The following L3MBTL1 variants were observed in gnomAD, a reference collection of about 807,000 sequenced individuals.
The protein encoded by L3MBTL1 is L3MBTL histone methyl-lysine binding protein 1.
In L3MBTL1, 75 loss-of-function variants were observed where a neutral mutation model predicts 105.3. The ratio of observed to expected loss-of-function variants is 0.71; its 90% CI spans 0.59 to 0.86. L3MBTL1 has a LOEUF of 0.86. Among genes scored for constraint, L3MBTL1 ranks in the 40% least tolerant of loss-of-function variants. The probability of loss-of-function intolerance (pLI) is 0.00; values close to 1 mark genes in which losing one functional copy is unlikely to be tolerated. For missense variants in L3MBTL1, 1,069 were observed against 1,126.4 expected (o/e 0.95, Z 0.73); for synonymous variants, 452 against 436.2 (o/e 1.04, Z -0.45).
At chr20:43,521,775 A>G (rs949464863) in intron 7 of L3MBTL1, among the ~76,000 whole-genome samples, 1 of 151,852 alleles carries the variant, frequency 6.6e-6, no homozygotes, top group African/African-American at 2.4e-5. Flanking sequence ...CTGGCCTTAA[A>G]CTCCTGAGTG....
At chr20:43,535,960 G>T in intron 17 of L3MBTL1, 24 bp downstream of exon 17, 1 of 1,601,378 alleles carries the variant, frequency 6.2e-7, no homozygotes, top group South Asian at 1.1e-5. Flanking sequence ...CCTGGTGAGA[G>T]ACCCTCAGCG....
At chr20:43,521,128 T>TA (rs1366928342) in intron 7 of L3MBTL1, among the ~76,000 whole-genome samples, 1 of 152,170 alleles carries the variant, frequency 6.6e-6, no homozygotes, top group Non-Finnish European at 1.5e-5. Flanking sequence ...TTCAGTGTCT[T>TA]AAAATGAACT....
intron 16 of L3MBTL1, 62 bp from the exon 17 acceptor site, chr20:43,535,774 TC>T (rs761346232): frequency 1.6e-4 from 170 of 1,084,744 alleles, no homozygotes; most frequent in Admixed American, 4.6e-5. Flanking sequence ...AACTGCTCCT[TC>T]CGTGCCCCAC....
chr20:43,510,708 C>T (rs184079978), intron 1 of L3MBTL1, among the ~76,000 whole-genome samples: 12 of 151,718 alleles, frequency 7.9e-5, no homozygotes, highest in African/African-American at 2.7e-4. Flanking sequence ...TGAGCCACTG[C>T]GCCCAGCTAA....
rs1266904694 is a variant in L3MBTL1, at chr20:43,534,736, C to A, written c.1711-92C>A. Reference sequence around the variant, plus strand: ...TTGGTTCTTTCAATCCAGGATCTTGCTTCTGACAGGTCCCAGGGATGGGGA... The same window carrying A: ...TTGGTTCTTTCAATCCAGGATCTTGATTCTGACAGGTCCCAGGGATGGGGA... On this transcript the variant is annotated intron_variant, in intron 15 of 21. Coordinates refer to ENST00000418998, the MANE Select transcript of L3MBTL1 (RefSeq NM_001377303.1). 8.1e-6 allele frequency: 7 copies of A among 859,088 alleles called. No individual in the cohort carries two copies. In the East Asian group the frequency reaches 1.6e-4, roughly 19 times the overall value. The allele number at this position is 859,088 out of a possible 1,614,324, so 53.2% of individuals were successfully genotyped here. A position where few individuals can be genotyped will look rare whatever the true frequency, so the allele number is the denominator to read the frequency against.
chr20:43,520,090 A>G (rs904003178), intron 7 of L3MBTL1, among the ~76,000 whole-genome samples: 10 of 152,230 alleles, frequency 6.6e-5, no homozygotes, highest in Middle Eastern at 3.4e-3. Context: ...ATTCCCCCTA[A>G]AGACCACCAG....
In L3MBTL1 at chr20:43,515,019, C is replaced by T. The variant is rs35155748; in HGVS notation, c.513C>T (p.Pro171=). The part of the protein sequence containing the change: ...EAGPQQAEDH[P]QNPPEDPNQD... ...ATTTGGCCCCCGCAGAGGACCACCC[C>T]CAGAATCCTCCAGAAGATCCCAATC... The change falls in exon 5 of 22, where the codon CCC becomes CCT. Residue 171 remains proline, a synonymous_variant. Transcript: ENST00000418998. 1.7e-3 allele frequency: 2,742 copies of T among 1,613,870 alleles called. 3 individuals are homozygous for T. Among genetic ancestry groups the T allele is most frequent in the Non-Finnish European group, 2.2e-3 (2,606 of 1,179,838 alleles).
intron 10 of L3MBTL1, 27 bp downstream of exon 10, chr20:43,530,446 T>C: frequency 6.2e-7 from 1 of 1,609,760 alleles, no homozygotes; most frequent in African/African-American, 1.3e-5. Context: ...TTGGTCACAG[T>C]GAGGCAGTGA....
Position 43,522,457 on chromosome 20 carries a change from GTTTTTTTTTTTTTTT to G in L3MBTL1, c.863-6183_863-6169del, listed in dbSNP as rs1176856356. Among the ~76,000 whole-genome samples the G allele has an allele frequency of 5.2e-5, 5 of 95,894 alleles. 2 individuals carry two copies. The Admixed American group carries it at 5.6e-4, about 11-fold the overall frequency. 62.9% of individuals were successfully genotyped at this position (95,894 alleles called of 152,430 possible). On this transcript the variant is annotated intron_variant, in intron 7 of 21. Coordinates refer to ENST00000418998, the MANE Select transcript of L3MBTL1 (RefSeq NM_001377303.1). ...TGGTAACTGAATTTTTCCCTGCTAA[GTTTTTTTTTTTTTTT>G]TTTTTTTTTTTTTTTTGGAGACAGG...
rs1438859052 is a variant in L3MBTL1, at chr20:43,530,135, G to A, written c.1057-149G>A. On this transcript the variant is annotated intron_variant, in intron 9 of 21. Transcript: ENST00000418998. ...CTCACTGTAGAATAGGACAGGGTGG[G>A]GTACAATTGGGAGGAAAGAAAGGTG... 13 of 885,566 alleles carry A rather than the reference G, an allele frequency of 1.5e-5. No individual in the cohort carries two copies. In the East Asian group the frequency reaches 2.9e-4, roughly 20 times the overall value. The allele number at this position is 885,566 out of a possible 1,614,324, so 54.9% of individuals were successfully genotyped here.
intron 7 of L3MBTL1, among the ~76,000 whole-genome samples, chr20:43,522,545 C>T (rs2018786098): frequency 7.6e-6 from 1 of 131,974 alleles, no homozygotes; most frequent in African/African-American, 2.9e-5. Context: ...GATGTCCGCT[C>T]ACTGTGACCC....
Position 43,515,085 on chromosome 20 carries a change from G to C in L3MBTL1, c.579G>C (p.Ala193=), listed in dbSNP as rs761030705. 1 of 1,614,164 alleles carries C rather than the reference G, an allele frequency of 6.2e-7. No homozygotes were observed. The highest frequency in any genetic ancestry group is 8.5e-7 in the Non-Finnish European group (1 of 1,180,012). The part of the protein sequence containing the change: ...PEDDSTCQCQ[A]CGPHQAAGPD... ...ATGATAGCACCTGTCAGTGCCAGGC[G>C]TGCGGGCCTCACCAAGCCGCGGGTC... The change falls in exon 5 of 22, where the codon GCG becomes GCC. Residue 193 remains alanine (A), a synonymous_variant. Coordinates refer to ENST00000418998, the MANE Select transcript of L3MBTL1 (RefSeq NM_001377303.1).
exon 19 of L3MBTL1, chr20:43,548,411 G>T (rs1978770967): frequency 2.0e-6 from 1 of 507,294 alleles, no homozygotes; most frequent in Non-Finnish European, 3.1e-6. Context: ...GAGCCCTGGG[G>T]AGGGTAGGCA....
At chr20:43,508,059 GT>G (rs555478619) in intron 1 of L3MBTL1, among the ~76,000 whole-genome samples, 2 of 152,130 alleles carry the variant, frequency 1.3e-5, no homozygotes, top group African/African-American at 2.4e-5. Flanking sequence ...TCAATTAAGA[GT>G]TTTTTTATTA....
intron 19 of L3MBTL1, among the ~76,000 whole-genome samples, chr20:43,537,417 A>T (rs896577541): frequency 1.3e-5 from 2 of 152,200 alleles, no homozygotes; most frequent in Non-Finnish European, 2.9e-5. Context: ...CTGGGGTCCC[A>T]TGATGTGTCC....
chr20:43,518,766 T>C (rs2018538729), intron 7 of L3MBTL1, among the ~76,000 whole-genome samples: 1 of 144,444 alleles, frequency 6.9e-6, no homozygotes, highest in Admixed American at 7.4e-5. Context: ...CCTAGCACTT[T>C]GGGAGGCCGA....
At chr20:43,543,788 G>T (rs1978390216), downstream of L3MBTL1, among the ~76,000 whole-genome samples, 2 of 152,244 alleles carry the variant, frequency 1.3e-5, no homozygotes, top group Non-Finnish European at 2.9e-5. Flanking sequence ...AAAGTGCATA[G>T]ATGGTCTTAT....
intron 6 of L3MBTL1, chr20:43,515,805 A>G (rs1259482036): frequency 4.2e-6 from 2 of 472,926 alleles, no homozygotes; most frequent in Non-Finnish European, 7.8e-6. Flanking sequence ...CTGGGCGTGT[A>G]AGAGCATCAC....
chr20:43,545,583 G>A (rs1978542564), downstream of L3MBTL1, among the ~76,000 whole-genome samples: 1 of 152,288 alleles, frequency 6.6e-6, no homozygotes, highest in Admixed American at 6.5e-5. Flanking sequence ...GGAGGTGCTG[G>A]AGAGAGAATA....
Sources: gnomAD v4.1 joint callset for allele counts (sites outside exome capture counted in the v4.1 genomes callset) on GRCh38, gnomAD v4.1.1 for gene constraint, MANE v1.5 for transcripts, NCBI Gene and HGNC (gene_info 2026-07-23, HGNC 2026-07-21) for gene names.